LSM6: variants seen among roughly 807,000 people sequenced by gnomAD.
The protein encoded by LSM6 is U6 snRNA-associated Sm-like protein LSm6.
In LSM6, 2 loss-of-function variants were observed where a neutral mutation model predicts 13.5. The observed-to-expected ratio is 0.15, with a 90% CI of 0.06 to 0.47. The LOEUF (loss-of-function observed/expected upper bound fraction) is 0.47, where lower values mean the gene tolerates loss of function less well. Among genes scored for constraint, LSM6 ranks in the 20% least tolerant of loss-of-function variants. The pLI is 0.97. For missense variants in LSM6, 58 were observed against 96.4 expected, an observed-to-expected ratio of 0.60 and a Z score of 1.67; for synonymous variants, 43 against 34.9, an observed-to-expected ratio of 1.23 and a Z score of -0.82.
chr4:146,187,681 A>G (rs1730377547), intron 3 of LSM6: 1 of 192,038 alleles, frequency 5.2e-6, no homozygotes, highest in African/African-American at 2.3e-5. Context: ...CCCAACACAT[A>G]TTCCTGCTTC....
rs1364010665 is a variant in LSM6 at position 146,175,848 on chromosome 4, G to GGGCGCAGCCCCAGGTTCGGTGCCC, written c.-11+38_-11+61dup. 5.9e-5 allele frequency: 9 copies of GGGCGCAGCCCCAGGTTCGGTGCCC among 152,486 alleles called. No individual in the cohort carries two copies. In the East Asian group the frequency reaches 1.5e-3, roughly 26 times the overall value. 9.4% of individuals were successfully genotyped at this position (152,486 alleles called of 1,614,324 possible). ...CGCTGCGCGGGCCGACGACGGGGCC[G>GGGCGCAGCCCCAGGTTCGGTGCCC]GGCGCAGCCCCAGGTTCGGTGCCCC... On this transcript the variant is annotated intron_variant, in intron 1 of 3. Transcript: ENST00000296581.
At chr4:146,175,927 G>A (rs1337840302) in intron 1 of LSM6, 116 bp downstream of exon 1, 1 of 152,320 alleles carries the variant, frequency 6.6e-6, no homozygotes, top group Admixed American at 6.5e-5. Context: ...GCCGGGCGAG[G>A]CAGCCCCGGA....
chr4:146,189,016 G>T (rs1730409326), intron 3 of LSM6, among the ~76,000 whole-genome samples: 1 of 139,236 alleles, frequency 7.2e-6, no homozygotes, highest in African/African-American at 2.7e-5. Flanking sequence ...CTGAGATGAA[G>T]TCTCGCTCTG....
chr4:146,181,726 C>T lies in LSM6; in HGVS notation c.-10-1186C>T, dbSNP rs192262558. Among the ~76,000 whole-genome samples the T allele has an allele frequency of 7.2e-4, 110 of 152,296 alleles. 1 individual carries two copies. The highest frequency in any genetic ancestry group is 2.4e-3 in the African/African-American group (101 of 41,568). ...CCATACTAACTTTTAAGTCTCAGTG[C>T]TATATAGCTGCTGAATAATAGTGAT... On this transcript the variant is annotated intron_variant, in intron 1 of 3. Transcript: ENST00000296581.
At chr4:146,181,711 T>G (rs141776837) in intron 1 of LSM6, among the ~76,000 whole-genome samples, 64 of 152,352 alleles carry the variant, frequency 4.2e-4, no homozygotes, top group African/African-American at 1.5e-3. Context: ...CCATACTAAC[T>G]TTTAAGTCTC....
intron 1 of LSM6, among the ~76,000 whole-genome samples, chr4:146,182,060 A>G (rs1450950016): frequency 3.3e-5 from 5 of 152,158 alleles, no homozygotes; most frequent in Non-Finnish European, 5.9e-5. Flanking sequence ...TGTGTTATTG[A>G]CTTTCAGAAA....
intron 1 of LSM6, chr4:146,181,175 A>G (rs1314026847): frequency 6.6e-6 from 1 of 152,274 alleles, no homozygotes; most frequent in African/African-American, 2.4e-5. Flanking sequence ...TGCATTTTAA[A>G]AACATCTTTC....
chr4:146,182,229 A>AAT (rs1730247947), intron 1 of LSM6, among the ~76,000 whole-genome samples: 1 of 152,204 alleles, frequency 6.6e-6, no homozygotes, highest in South Asian at 2.1e-4. Flanking sequence ...TAAATTGATT[A>AAT]ATATATATAA....
intron 1 of LSM6, chr4:146,176,592 C>T (rs895748926): frequency 1.3e-5 from 2 of 152,096 alleles, no homozygotes; most frequent in African/African-American, 4.8e-5. Context: ...TATGTGCTAG[C>T]TTCTACTTGA....
intron 1 of LSM6, chr4:146,176,299 C>T (rs553981903): frequency 6.6e-6 from 1 of 152,392 alleles, no homozygotes; most frequent in South Asian, 2.1e-4. Flanking sequence ...TGCGCCTGAC[C>T]ACAGGAATTA....
At chr4:146,188,628 T>G (rs1730399118) in intron 3 of LSM6, among the ~76,000 whole-genome samples, 1 of 152,144 alleles carries the variant, frequency 6.6e-6, no homozygotes, top group Non-Finnish European at 1.5e-5. Context: ...GCATGGAAGG[T>G]GGAAGGGAGA....
intron 3 of LSM6, among the ~76,000 whole-genome samples, chr4:146,187,814 A>G (rs1317968563): frequency 2.0e-5 from 3 of 152,264 alleles, no homozygotes; most frequent in Non-Finnish European, 4.4e-5. Context: ...CTTTCTATGC[A>G]GATTTGCATC....
chr4:146,183,163 A>G (rs1730268655), intron 2 of LSM6, 148 bp downstream of exon 2: 1 of 552,430 alleles, frequency 1.8e-6, no homozygotes, highest in East Asian at 3.2e-5. Flanking sequence ...TCTATCTCTG[A>G]GATCATTCCT....
At chr4:146,185,933 C>T (rs933842481) in intron 2 of LSM6, among the ~76,000 whole-genome samples, 11 of 151,962 alleles carry the variant, frequency 7.2e-5, no homozygotes, top group South Asian at 4.1e-4. Context: ...GACGGGGTTT[C>T]GCCATGTTAG....
intron 2 of LSM6, among the ~76,000 whole-genome samples, chr4:146,183,895 C>T (rs1280824327): frequency 4.0e-4 from 51 of 128,562 alleles, no homozygotes; most frequent in Admixed American, 1.2e-3. Context: ...TTTTTTGAGA[C>T]GGAGTCTCGC....
intron 1 of LSM6, chr4:146,176,562 C>T (rs1171713068): frequency 6.6e-6 from 1 of 152,130 alleles, no homozygotes; most frequent in African/African-American, 2.4e-5. Flanking sequence ...AACCCTTTCA[C>T]CTACGATCAT....
At chr4:146,183,840 C>G (rs868540968) in intron 2 of LSM6, among the ~76,000 whole-genome samples, 1 of 148,900 alleles carries the variant, frequency 6.7e-6, no homozygotes, top group Non-Finnish European at 1.5e-5. Flanking sequence ...TTGGTGCACC[C>G]GTCACCTGAG....
At chr4:146,182,376 A>C (rs1027294928) in intron 1 of LSM6, among the ~76,000 whole-genome samples, 10 of 152,354 alleles carry the variant, frequency 6.6e-5, no homozygotes, top group Admixed American at 6.5e-4. Context: ...AATAGGGCTG[A>C]TTTGAACTTG....
chr4:146,187,704 A>G (rs1730377958), intron 3 of LSM6, among the ~76,000 whole-genome samples: 1 of 152,144 alleles, frequency 6.6e-6, no homozygotes, highest in South Asian at 2.1e-4. Context: ...GTAGCCTGGA[A>G]GTTGGAGATG....
Sources: allele counts gnomAD v4.1 joint callset (sites outside exome capture counted in the v4.1 genomes callset), GRCh38; gene constraint gnomAD v4.1.1; transcripts MANE v1.5; gene names NCBI Gene and HGNC (gene_info 2026-07-23, HGNC 2026-07-21).